Variants in OLFM3 observed in about 807,000 individuals in gnomAD.
OLFM3 encodes the protein noelin-3.
Under a neutral mutation model 48.6 loss-of-function variants are expected in OLFM3, and 20 were observed. The ratio of observed to expected loss-of-function variants is 0.41; its 90% CI spans 0.29 to 0.60. The LOEUF (loss-of-function observed/expected upper bound fraction) is 0.60. Among genes scored for constraint, OLFM3 ranks in the 20% least tolerant of loss-of-function variants. OLFM3 has a pLI of 0.28. For missense variants in OLFM3, 437 were observed against 544.3 expected, an observed-to-expected ratio of 0.80 and a Z score of 1.96; for synonymous variants, 222 against 198.1, an observed-to-expected ratio of 1.12 and a Z score of -1.01.
Position 101,830,823 on chromosome 1 carries a change from T to C in OLFM3, c.221A>G (p.Gln74Arg). Residue 74 changes from glutamine to arginine, a missense_variant, in exon 3 of 6, where the codon CAG becomes CGG. Coordinates refer to ENST00000370103, the MANE Select transcript of OLFM3 (RefSeq NM_058170.4). ...GACTTCAATAGACTGGGACATGTTC[T>C]GAACCTGTTGAACAAGAATATTGTC... ...RQLRQLLEKV[Q>R]NMSQSIEVLN... 2 of 1,612,576 alleles carry C rather than the reference T, an allele frequency of 1.2e-6. No homozygotes were observed. Among genetic ancestry groups the C allele is most frequent in the Non-Finnish European group, 1.7e-6 (2 of 1,179,380 alleles).
At chr1:101,953,178 C>T (rs76258541) in intron 1 of OLFM3, among the ~76,000 whole-genome samples, 10,976 of 152,022 alleles carry the variant, frequency 0.072, 468 homozygotes, top group South Asian at 0.16. Flanking sequence ...TCACCTGATT[C>T]TCAACTTTTT....
At chr1:101,826,921 A>T (rs187217129) in intron 3 of OLFM3, among the ~76,000 whole-genome samples, 1 of 152,194 alleles carries the variant, frequency 6.6e-6, no homozygotes, top group Non-Finnish European at 1.5e-5. Flanking sequence ...CAATGTCAAA[A>T]TGTTGGTAGC....
At chr1:101,946,495 G>C (rs1032335687) in intron 1 of OLFM3, among the ~76,000 whole-genome samples, 1 of 152,112 alleles carries the variant, frequency 6.6e-6, no homozygotes, top group African/African-American at 2.4e-5. Context: ...TATCAGAATT[G>C]CTTGATAGAG....
At chr1:101,907,410 T>C (rs1405181285) in intron 1 of OLFM3, among the ~76,000 whole-genome samples, 1 of 152,198 alleles carries the variant, frequency 6.6e-6, no homozygotes, top group Non-Finnish European at 1.5e-5. Flanking sequence ...GTTTCAAAAC[T>C]CTGCCTCACT....
intron 1 of OLFM3, among the ~76,000 whole-genome samples, chr1:101,838,491 C>A (rs1164337381): frequency 6.6e-6 from 1 of 152,132 alleles, no homozygotes; most frequent in Non-Finnish European, 1.5e-5. Context: ...ATAATGTACA[C>A]CAAATTTATT....
At chr1:101,981,949 A>C (rs1037711497) in intron 1 of OLFM3, among the ~76,000 whole-genome samples, 1 of 152,214 alleles carries the variant, frequency 6.6e-6, no homozygotes. Flanking sequence ...TGGAAAAATA[A>C]GAAAGATATG....
At chr1:101,982,913 T>TACACACACACACAC (rs149648138) in intron 1 of OLFM3, among the ~76,000 whole-genome samples, 10 of 150,966 alleles carry the variant, frequency 6.6e-5, no homozygotes, top group Admixed American at 4.0e-4. Flanking sequence ...TCTTTGTTTT[T>TACACACACACACAC]ACACACACAC....
chr1:101,851,196 C>T (rs1656209159), intron 1 of OLFM3, among the ~76,000 whole-genome samples: 1 of 152,100 alleles, frequency 6.6e-6, no homozygotes, highest in African/African-American at 2.4e-5. Flanking sequence ...TCTGTGGCAC[C>T]TTAAAAGCAG....
At chr1:101,968,437 G>T (rs1660683119) in intron 1 of OLFM3, among the ~76,000 whole-genome samples, 1 of 147,666 alleles carries the variant, frequency 6.8e-6, no homozygotes, top group African/African-American at 2.5e-5. Flanking sequence ...TAGTGTAGAT[G>T]ATGTGTAGCA....
At chr1:101,902,357 T>A (rs1455677732) in intron 1 of OLFM3, among the ~76,000 whole-genome samples, 2 of 152,024 alleles carry the variant, frequency 1.3e-5, no homozygotes, top group Non-Finnish European at 1.5e-5. Flanking sequence ...CAAGATATGA[T>A]CTATTTCCAT....
chr1:101,972,943 G>A (rs1384187301), intron 1 of OLFM3, among the ~76,000 whole-genome samples: 3 of 151,972 alleles, frequency 2.0e-5, no homozygotes, highest in Non-Finnish European at 4.4e-5. Context: ...TGCGGCAATG[G>A]CAAAAATAAA....
Position 101,812,861 on chromosome 1 carries a change from C to T in OLFM3, c.593-6679G>A, listed in dbSNP as rs563869517. On this transcript the variant is annotated intron_variant, in intron 4 of 5. Coordinates refer to ENST00000370103, the MANE Select transcript of OLFM3 (RefSeq NM_058170.4). ...GAGGAAAATTGATTCTTACTCCAGT[C>T]AATCATACCTTAGAAAGCAAACTTT... 4 of 992,504 alleles carry T rather than the reference C, an allele frequency of 4.0e-6. No individual in the cohort carries two copies. In the East Asian group the frequency reaches 4.5e-4, roughly 111 times the overall value. The allele number at this position is 992,504 out of a possible 1,614,324, so 61.5% of individuals were successfully genotyped here.
rs115360062 is a variant in OLFM3 at position 101,831,249 on chromosome 1, C to T, written c.217-422G>A. On this transcript the variant is annotated intron_variant, in intron 2 of 5. Coordinates refer to ENST00000370103, the MANE Select transcript of OLFM3 (RefSeq NM_058170.4). ...GCAATTGTGGATGGTAGTGAAGTGT[C>T]GAAGAGGCCTAGAATGCATTCATTC... Among the ~76,000 whole-genome samples, 1,389 of 152,156 alleles carry T rather than the reference C, an allele frequency of 9.1e-3. 22 individuals are homozygous for T. Among genetic ancestry groups the T allele is most frequent in the African/African-American group, 0.032 (1,313 of 41,502 alleles).
At position 101,804,733 on chromosome 1, in the gene OLFM3, T is replaced by G. The variant is rs1321426965; in HGVS notation, c.882A>C (p.Lys294Asn). The change falls in exon 6 of 6, where the codon AAA (lysine) becomes AAC (asparagine). Residue 294 changes from lysine (K) to asparagine (N), a missense_variant. This residue lies in a region of OLFM3 where 314 missense variants were observed against 365.5 expected (regional missense o/e 0.86). Coordinates refer to ENST00000370103, the MANE Select transcript of OLFM3 (RefSeq NM_058170.4). This position sits in a 1 kb window ranked among gnomAD's most constrained non-coding sequence, Gnocchi z 4.5. ...FNKYQSNIII[K>N]YSFDMGRVLA... ...GCACTCTCCCCATATCAAAGCTGTA[T>G]TTGATGATGATATTACTCTGATACT... The G allele has an allele frequency of 6.2e-7, 1 of 1,612,722 alleles. No individual in the cohort carries two copies.
At chr1:101,955,077 T>G (rs1660247805) in intron 1 of OLFM3, among the ~76,000 whole-genome samples, 1 of 152,024 alleles carries the variant, frequency 6.6e-6, no homozygotes, top group African/African-American at 2.4e-5. Context: ...CTCCATATGG[T>G]TCATTTTGGC....
intron 1 of OLFM3, among the ~76,000 whole-genome samples, chr1:101,943,635 T>C (rs1659861124): frequency 6.6e-6 from 1 of 152,216 alleles, no homozygotes; most frequent in East Asian, 1.9e-4. Context: ...CTATTCTAGA[T>C]GTACTGTTAT....
intron 1 of OLFM3, among the ~76,000 whole-genome samples, chr1:101,926,651 G>C (rs1054761466): frequency 6.6e-6 from 1 of 152,110 alleles, no homozygotes; most frequent in Admixed American, 6.6e-5. Flanking sequence ...GAATTTTTAG[G>C]CTCCTCCCTG....
intron 1 of OLFM3, among the ~76,000 whole-genome samples, chr1:101,910,865 A>T (rs1228820604): frequency 6.6e-6 from 1 of 152,202 alleles, no homozygotes; most frequent in Non-Finnish European, 1.5e-5. Flanking sequence ...TAACAGCTAT[A>T]TTTAAAGCTT....
At chr1:101,909,279 C>T (rs1040174067) in intron 1 of OLFM3, among the ~76,000 whole-genome samples, 2 of 152,222 alleles carry the variant, frequency 1.3e-5, no homozygotes, top group African/African-American at 2.4e-5. Flanking sequence ...AAAAAATCTC[C>T]TGAATTCCTC....
Sources: allele counts gnomAD v4.1 joint callset (sites outside exome capture counted in the v4.1 genomes callset), GRCh38; gene constraint gnomAD v4.1.1; regional missense constraint gnomAD v4.1.1; non-coding constraint Gnocchi (gnomAD v3.1); transcripts MANE v1.5; gene names NCBI Gene and HGNC (gene_info 2026-07-23, HGNC 2026-07-21).